Variants in CCDC148 observed in about 807,000 individuals in gnomAD.
CCDC148 encodes coiled-coil domain containing 148, also known as coiled-coil domain-containing protein 148.
CCDC148 carries 89 observed loss-of-function variants against 85.7 expected under a neutral mutation model. The ratio of observed to expected loss-of-function variants is 1.04; its 90% CI spans 0.87 to 1.24. The LOEUF (loss-of-function observed/expected upper bound fraction) is 1.24, where lower values mean the gene tolerates loss of function less well. Among genes scored for constraint, CCDC148 ranks in the 50% most tolerant of loss-of-function variants. The pLI is 0.00. For synonymous variants in CCDC148, 230 were observed against 213.9 expected (o/e 1.08, Z -0.66); for missense variants, 692 against 671.7 (o/e 1.03, Z -0.33).
chr2:158,257,642 AT>A (rs902800700), intron 9 of CCDC148, among the ~76,000 whole-genome samples: 1 of 151,692 alleles, frequency 6.6e-6, no homozygotes, highest in African/African-American at 2.4e-5. Context: ...TCATAAGTTC[AT>A]TTTTTTATCA....
At chr2:158,220,919 G>T (rs1250072611) in intron 10 of CCDC148, among the ~76,000 whole-genome samples, 1 of 152,134 alleles carries the variant, frequency 6.6e-6, no homozygotes, top group Non-Finnish European at 1.5e-5. Flanking sequence ...AAACTGCAAG[G>T]TTTAACAATT....
chr2:158,313,070 G>A (rs539573182), intron 8 of CCDC148, among the ~76,000 whole-genome samples: 2 of 152,296 alleles, frequency 1.3e-5, no homozygotes, highest in African/African-American at 4.8e-5. Context: ...AAAAGTCTGT[G>A]TGTTTGTTTA....
rs145072380 is a variant in CCDC148 at position 158,359,629 on chromosome 2, G to A, written c.26-1059C>T. On this transcript the variant is annotated intron_variant, in intron 1 of 13. Transcript: ENST00000283233. ...AAGGGAAGCCATGAGGGACTGTGCC[G>A]TGAGGAATGGTGCACCCCAGCCCAA... 1.8e-3 allele frequency among the ~76,000 whole-genome samples: 277 copies of A among 152,232 alleles called. 4 individuals are homozygous for A. In the East Asian group the frequency reaches 0.025, roughly 14 times the overall value.
intron 1 of CCDC148, among the ~76,000 whole-genome samples, chr2:158,430,944 A>G (rs1243761495): frequency 6.6e-6 from 1 of 152,126 alleles, no homozygotes; most frequent in Non-Finnish European, 1.5e-5. Flanking sequence ...TAAAATGAAA[A>G]TGTCATTGGA....
Position 158,361,106 on chromosome 2 carries a change from G to A in CCDC148, c.26-2536C>T, listed in dbSNP as rs191188653. 2.4e-4 allele frequency among the ~76,000 whole-genome samples: 37 copies of A among 151,642 alleles called. No homozygotes were observed. The East Asian group carries it at 4.9e-3, about 20-fold the overall frequency. ...AAATATCAACTTACTAAAATAAAGC[G>A]TGAAGACAAGATTAGAGAAAAGAGA... is the stretch of plus-strand genomic sequence containing the variant. On this transcript the variant is annotated intron_variant, in intron 1 of 13. Coordinates refer to ENST00000283233, the MANE Select transcript of CCDC148 (RefSeq NM_138803.4).
chr2:158,367,267 A>C (rs574933692), intron 1 of CCDC148, among the ~76,000 whole-genome samples: 46 of 152,202 alleles, frequency 3.0e-4, no homozygotes, highest in South Asian at 8.3e-4. Context: ...TCCAGAAATA[A>C]ATCTATGCTG....
At chr2:158,373,335 T>C (rs976911859) in intron 1 of CCDC148, among the ~76,000 whole-genome samples, 1 of 152,032 alleles carries the variant, frequency 6.6e-6, no homozygotes, top group Admixed American at 6.6e-5. Flanking sequence ...ATGTCTGACC[T>C]CCAGAATTGT....
chr2:158,456,751 T>G lies in CCDC148; in HGVS notation c.-312A>C. ...TCTCGCGCTGAACAGCATCGGTCTC[T>G]ATGGCGACCTGAAACCGCAGCTCCC... On this transcript the variant is annotated 5_prime_UTR_variant, in exon 1 of 14. Transcript: ENST00000283233. The G allele has an allele frequency of 2.8e-6, 1 of 357,032 alleles. No homozygotes were observed. The highest frequency in any genetic ancestry group is 5.1e-6 in the Non-Finnish European group (1 of 194,724). 22.1% of individuals were successfully genotyped at this position (357,032 alleles called of 1,614,324 possible). A position where few individuals can be genotyped will look rare whatever the true frequency, so the allele number is the denominator to read the frequency against.
chr2:158,334,654 C>T (rs1693328943), intron 7 of CCDC148, among the ~76,000 whole-genome samples: 1 of 151,998 alleles, frequency 6.6e-6, no homozygotes, highest in Non-Finnish European at 1.5e-5. Flanking sequence ...CTAATGCTAT[C>T]TCTTTAATAA....
At chr2:158,222,402 C>T (rs1687233691) in intron 10 of CCDC148, among the ~76,000 whole-genome samples, 1 of 152,140 alleles carries the variant, frequency 6.6e-6, no homozygotes, top group South Asian at 2.1e-4. Context: ...TTATTTCCAT[C>T]TTTGACTCTG....
intron 1 of CCDC148, among the ~76,000 whole-genome samples, chr2:158,379,420 A>T (rs983086540): frequency 6.6e-6 from 1 of 152,132 alleles, no homozygotes; most frequent in South Asian, 2.1e-4. Context: ...ACACTGTTGA[A>T]ATAATAAAGG....
intron 10 of CCDC148, among the ~76,000 whole-genome samples, chr2:158,242,361 T>C (rs961699739): frequency 3.3e-5 from 5 of 152,198 alleles, no homozygotes; most frequent in African/African-American, 1.2e-4. Context: ...GAACATCATT[T>C]ACTGAGGCCT....
At chr2:158,337,008 C>T (rs940189170) in intron 7 of CCDC148, among the ~76,000 whole-genome samples, 5 of 152,254 alleles carry the variant, frequency 3.3e-5, no homozygotes, top group African/African-American at 1.2e-4. Flanking sequence ...ATATATTCAT[C>T]TAATCCTCCA....
At chr2:158,195,195 C>A (rs1338579240) in intron 11 of CCDC148, among the ~76,000 whole-genome samples, 1 of 151,980 alleles carries the variant, frequency 6.6e-6, no homozygotes, top group East Asian at 1.9e-4. Context: ...AGGTATGTAT[C>A]TTATGCTTTT....
At chr2:158,299,119 C>A (rs751925051) in intron 9 of CCDC148, among the ~76,000 whole-genome samples, 65 of 152,272 alleles carry the variant, frequency 4.3e-4, no homozygotes, top group Admixed American at 1.2e-3. Flanking sequence ...GCCCTTACCC[C>A]TACGGCATGG....
intron 12 of CCDC148, 41 bp downstream of exon 12, chr2:158,178,838 T>C (rs756934935): frequency 1.4e-6 from 2 of 1,395,334 alleles, no homozygotes; most frequent in Admixed American, 3.5e-5. Context: ...AAACATTTTT[T>C]TTAAAAAAAC....
At chr2:158,263,184 G>C (rs1689304722) in intron 9 of CCDC148, among the ~76,000 whole-genome samples, 1 of 152,034 alleles carries the variant, frequency 6.6e-6, no homozygotes, top group African/African-American at 2.4e-5. Flanking sequence ...TAAGGGAACA[G>C]TCAAGTTTAG....
chr2:158,377,580 A>G (rs1432462257), intron 1 of CCDC148, among the ~76,000 whole-genome samples: 4 of 152,084 alleles, frequency 2.6e-5, no homozygotes, highest in Admixed American at 2.6e-4. Flanking sequence ...CTAGGGGGCT[A>G]TCTGGCGACA....
At chr2:158,356,957 C>T (rs1429237952) in intron 2 of CCDC148, among the ~76,000 whole-genome samples, 2 of 145,724 alleles carry the variant, frequency 1.4e-5, no homozygotes, top group African/African-American at 5.1e-5. Context: ...TGGAAAACAT[C>T]ATTCTCAGTA....
Sources: gnomAD v4.1 joint callset for allele counts (sites outside exome capture counted in the v4.1 genomes callset) on GRCh38, gnomAD v4.1.1 for gene constraint, MANE v1.5 for transcripts, NCBI Gene and HGNC (gene_info 2026-07-23, HGNC 2026-07-21) for gene names.